DTNA: variants seen among roughly 807,000 people sequenced by gnomAD.
DTNA encodes the protein dystrophin-related protein 3.
In DTNA, 43 loss-of-function variants were observed where a neutral mutation model predicts 100.7. The ratio of observed to expected loss-of-function variants is 0.43; its 90% CI spans 0.33 to 0.55. The LOEUF is 0.55. DTNA is among the 20% of genes least tolerant of loss of function. The pLI is 0.04. For missense variants in DTNA, 798 were observed against 953.9 expected (o/e 0.84, Z 2.15); for synonymous variants, 349 against 347.9 (o/e 1.00, Z -0.04).
chr18:34,509,848 T>C (rs1268215157), intron 1 of DTNA, among the ~76,000 whole-genome samples: 4 of 152,076 alleles, frequency 2.6e-5, no homozygotes, highest in Non-Finnish European at 5.9e-5. Context: ...ATATTTCAGA[T>C]TGAGCTTAGA....
At chr18:34,704,294 A>G (rs2146276146) in intron 1 of DTNA, among the ~76,000 whole-genome samples, 1 of 152,340 alleles carries the variant, frequency 6.6e-6, no homozygotes, top group South Asian at 2.1e-4. Context: ...GAGAAAGTGG[A>G]GTCACTCTGT....
chr18:34,635,905 TC>T (rs773907614), intron 1 of DTNA, among the ~76,000 whole-genome samples: 1 of 151,946 alleles, frequency 6.6e-6, no homozygotes, highest in African/African-American at 2.4e-5. Context: ...TTCTTTTTTT[TC>T]AATTAAAAAA....
At chr18:34,536,114 T>C (rs2043686439) in intron 1 of DTNA, among the ~76,000 whole-genome samples, 1 of 152,074 alleles carries the variant, frequency 6.6e-6, no homozygotes, top group Non-Finnish European at 1.5e-5. Flanking sequence ...TGACAATGTT[T>C]TTATACTTCA....
At chr18:34,692,848 A>G (rs2079970496) in intron 1 of DTNA, among the ~76,000 whole-genome samples, 2 of 152,158 alleles carry the variant, frequency 1.3e-5, no homozygotes, top group Admixed American at 1.3e-4. Context: ...CTTTAAGGCA[A>G]GAGTTTCTGT....
chr18:34,684,617 T>A (rs1388467217), intron 1 of DTNA, among the ~76,000 whole-genome samples: 1 of 152,218 alleles, frequency 6.6e-6, no homozygotes, highest in Admixed American at 6.5e-5. Flanking sequence ...TACATGTGCA[T>A]GTGTCTTTAT....
chr18:34,680,398 T>C (rs1438224415), intron 1 of DTNA, among the ~76,000 whole-genome samples: 1 of 152,192 alleles, frequency 6.6e-6, no homozygotes, highest in Non-Finnish European at 1.5e-5. Context: ...GAGGATATTG[T>C]GTGGCTTTCC....
chr18:34,779,750 A>G (rs1025907201), intron 3 of DTNA, among the ~76,000 whole-genome samples: 4 of 152,206 alleles, frequency 2.6e-5, no homozygotes, highest in African/African-American at 9.6e-5. Context: ...TCTTGGCACT[A>G]TCTTTGCATT....
At chr18:34,566,228 A>G (rs2047071755) in intron 1 of DTNA, among the ~76,000 whole-genome samples, 1 of 152,116 alleles carries the variant, frequency 6.6e-6, no homozygotes, top group South Asian at 2.1e-4. Context: ...TGGAAAAACA[A>G]TAGGGAAACC....
intron 11 of DTNA, among the ~76,000 whole-genome samples, chr18:34,831,507 C>T (rs996410049): frequency 2.0e-5 from 3 of 152,210 alleles, no homozygotes; most frequent in Admixed American, 1.3e-4. Context: ...GTGGCTCACG[C>T]CTGTAATCCC....
rs573134698 is a variant in DTNA at position 34,646,582 on chromosome 18, T to C, written c.-1-109394T>C. On this transcript the variant is annotated intron_variant, in intron 1 of 19. Transcript: ENST00000283365. Reference sequence around the variant, plus strand: ...ACATTACAGATTATTTTAGAAGCAATATGACATCGGAAGTACCAAATACAG... The same window carrying C: ...ACATTACAGATTATTTTAGAAGCAACATGACATCGGAAGTACCAAATACAG... Among the ~76,000 whole-genome samples, 36 of 152,328 alleles carry C rather than the reference T, an allele frequency of 2.4e-4. 2 individuals are homozygous for C. Among genetic ancestry groups the C allele is most frequent in the Middle Eastern group, 6.8e-3 (2 of 294 alleles).
chr18:34,568,339 A>T (rs1183024508), intron 1 of DTNA, among the ~76,000 whole-genome samples: 2 of 152,034 alleles, frequency 1.3e-5, no homozygotes, highest in East Asian at 3.9e-4. Context: ...TTTGAGAGAG[A>T]TTTTTACTGG....
chr18:34,531,885 G>A (rs1216409279), intron 1 of DTNA, among the ~76,000 whole-genome samples: 1 of 152,046 alleles, frequency 6.6e-6, no homozygotes, highest in Non-Finnish European at 1.5e-5. Flanking sequence ...CTGTTAAAAA[G>A]TCCTCCCTCA....
At chr18:34,609,604 G>T (rs1241168386) in intron 1 of DTNA, among the ~76,000 whole-genome samples, 1 of 152,074 alleles carries the variant, frequency 6.6e-6, no homozygotes, top group Admixed American at 6.6e-5. Context: ...CCAGTTTTGG[G>T]TGCCTGATAT....
chr18:34,726,789 G>T (rs1489833924), intron 1 of DTNA, among the ~76,000 whole-genome samples: 1 of 152,210 alleles, frequency 6.6e-6, no homozygotes, highest in East Asian at 1.9e-4. Context: ...GCTGCCAGTG[G>T]CTCTACCATT....
chr18:34,574,886 G>A (rs1357732592), intron 1 of DTNA, among the ~76,000 whole-genome samples: 1 of 152,064 alleles, frequency 6.6e-6, no homozygotes, highest in Non-Finnish European at 1.5e-5. Flanking sequence ...TGATCCTCCT[G>A]CCTAAGCCTA....
intron 1 of DTNA, among the ~76,000 whole-genome samples, chr18:34,738,697 A>G (rs1422294094): frequency 6.6e-6 from 1 of 152,160 alleles, no homozygotes; most frequent in Non-Finnish European, 1.5e-5. Context: ...GATGTCTGAT[A>G]GAGGACAGCG....
chr18:34,787,040 C>T lies in DTNA; in HGVS notation c.149-6997C>T, dbSNP rs538450798. Reference sequence around the variant, plus strand: ...ACGATTTTCTAGGTCTGTGTGGGAGCCTAAGAGATGCAGCATTTCTAAATA... The same window carrying T: ...ACGATTTTCTAGGTCTGTGTGGGAGTCTAAGAGATGCAGCATTTCTAAATA... On this transcript the variant is annotated intron_variant, in intron 3 of 22. Coordinates refer to ENST00000444659, the MANE Select transcript of DTNA (RefSeq NM_001386795.1). 1.1e-4 allele frequency among the ~76,000 whole-genome samples: 17 copies of T among 152,150 alleles called. No homozygotes were observed. In the South Asian group the frequency reaches 2.1e-3, roughly 19 times the overall value.
rs182837248 is a variant in DTNA, at chr18:34,558,317, A to G, written c.-2+64803A>G. 9.8e-3 allele frequency among the ~76,000 whole-genome samples: 1,498 copies of G among 152,242 alleles called. 18 individuals are homozygous for G. Among genetic ancestry groups the G allele is most frequent in the South Asian group, 0.02 (98 of 4,818 alleles). On this transcript the variant is annotated intron_variant, in intron 1 of 19. Transcript: ENST00000283365. ...TGGTACCTCAGATGGAAATGCAGAA[A>G]TCACCCGTCTTCTGCGTCGCTCACC... is the stretch of plus-strand genomic sequence containing the variant.
At chr18:34,885,237 T>C (rs2096910858) in intron 22 of DTNA, among the ~76,000 whole-genome samples, 1 of 152,096 alleles carries the variant, frequency 6.6e-6, no homozygotes, top group South Asian at 2.1e-4. Flanking sequence ...GAAAGCAAAA[T>C]CATGCATTAA....
Sources: allele counts gnomAD v4.1 joint callset (sites outside exome capture counted in the v4.1 genomes callset), GRCh38; gene constraint gnomAD v4.1.1; transcripts MANE v1.5; gene names NCBI Gene and HGNC (gene_info 2026-07-23, HGNC 2026-07-21).